The following KIDINS220 variants were observed in gnomAD, a reference collection of about 807,000 sequenced individuals.
KIDINS220 encodes kinase D-interacting substrate of 220 kDa.
Under a neutral mutation model 157.6 loss-of-function variants are expected in KIDINS220, and 63 were observed. The observed-to-expected ratio is 0.40, with a 90% CI of 0.33 to 0.49. The LOEUF (loss-of-function observed/expected upper bound fraction) is 0.49, where lower values mean the gene tolerates loss of function less well. Ranked by LOEUF, KIDINS220 falls within the 20% of genes least tolerant of loss-of-function variation. The probability of loss-of-function intolerance (pLI) is 0.66; values close to 1 mark genes in which losing one functional copy is unlikely to be tolerated. For synonymous variants in KIDINS220, 732 were observed against 783.6 expected, an observed-to-expected ratio of 0.93 and a Z score of 1.10; for missense variants, 1,772 against 2,171.2, an observed-to-expected ratio of 0.82 and a Z score of 3.65.
At chr2:8,809,371 G>C (rs537446256) in intron 6 of KIDINS220, among the ~76,000 whole-genome samples, 2 of 152,092 alleles carry the variant, frequency 1.3e-5, no homozygotes, top group South Asian at 4.1e-4. Context: ...AAGCTCTGCA[G>C]TATCTTGAAC....
At chr2:8,728,087 A>G (rs141906228), downstream of KIDINS220, among the ~76,000 whole-genome samples, 68 of 152,326 alleles carry the variant, frequency 4.5e-4, 1 homozygote, top group African/African-American at 1.1e-3. Context: ...TCATGCCTAT[A>G]ATCCCAGGCC....
intron 27 of KIDINS220, 112 bp from the exon 28 acceptor site, chr2:8,734,865 C>G (rs1664649814): frequency 1.4e-6 from 1 of 697,602 alleles, no homozygotes; most frequent in East Asian, 2.9e-5. Context: ...CTCTAGAGAC[C>G]AGAAAGGCTG....
At chr2:8,728,116 G>A (rs953445057), downstream of KIDINS220, among the ~76,000 whole-genome samples, 5 of 152,246 alleles carry the variant, frequency 3.3e-5, no homozygotes, top group East Asian at 9.6e-4. Flanking sequence ...GCCGAGGAGG[G>A]AGGATTGCTT....
At chr2:8,816,762 C>T (rs947574016) in intron 4 of KIDINS220, among the ~76,000 whole-genome samples, 7 of 152,330 alleles carry the variant, frequency 4.6e-5, no homozygotes, top group African/African-American at 9.6e-5. Flanking sequence ...TTCACTGCAA[C>T]GTACTTAAGT....
In KIDINS220 at chr2:8,807,864, G is replaced by A. The variant is rs764438291; in HGVS notation, c.505-1495C>T. Among the ~76,000 whole-genome samples, 49 of 152,240 alleles carry A rather than the reference G, an allele frequency of 3.2e-4. 1 individual carries two copies. The highest frequency in any genetic ancestry group is 8.8e-5 in the Non-Finnish European group (6 of 68,034). On this transcript the variant is annotated intron_variant, in intron 6 of 29. Coordinates refer to ENST00000256707, the MANE Select transcript of KIDINS220 (RefSeq NM_020738.4). ...TGAGCAGGCACTGTGGCTCACGCCT[G>A]TAATCCCAGCACTTTGGGAGGCTAA...
intron 4 of KIDINS220, among the ~76,000 whole-genome samples, chr2:8,815,773 T>C (rs1677000114): frequency 6.6e-6 from 1 of 152,220 alleles, no homozygotes; most frequent in African/African-American, 2.4e-5. Context: ...GGCAAAAGAC[T>C]GAGACCAATT....
intron 2 of KIDINS220, among the ~76,000 whole-genome samples, chr2:8,819,661 T>C (rs1290829116): frequency 6.6e-6 from 1 of 151,806 alleles, no homozygotes; most frequent in East Asian, 1.9e-4. Flanking sequence ...CTGTCTCTAC[T>C]AAAAATACAA....
intron 17 of KIDINS220, among the ~76,000 whole-genome samples, chr2:8,781,153 A>ATATATAATATATAT (rs70946383): frequency 0.015 from 1,966 of 130,354 alleles, 38 homozygotes; most frequent in African/African-American, 0.035. Flanking sequence ...ATATATATAT[A>ATATATAATATATAT]ATATATATAT....
At chr2:8,734,534 A>G in intron 28 of KIDINS220, 121 bp downstream of exon 28, 2 of 627,514 alleles carry the variant, frequency 3.2e-6, no homozygotes, top group Non-Finnish European at 5.2e-6. Flanking sequence ...TTAAAAAAAT[A>G]TGAAAAAAAT....
In KIDINS220 at chr2:8,791,251, C is replaced by T. The variant is rs1337071840; in HGVS notation, c.1277-27G>A. 3.3e-6 allele frequency: 5 copies of T among 1,521,338 alleles called. No homozygotes were observed. In the East Asian group the frequency reaches 6.7e-5, roughly 20 times the overall value. The allele number at this position is 1,521,338 out of a possible 1,614,324, so 94.2% of individuals were successfully genotyped here. A position where few individuals can be genotyped will look rare whatever the true frequency, so the allele number is the denominator to read the frequency against. ...TGTAATTAAAACACATCATATCTTA[C>T]ATTAAACAGTGGCATTACTATTAGA... is the stretch of plus-strand genomic sequence containing the variant. On this transcript the variant is annotated intron_variant, in intron 12 of 29. Transcript: ENST00000256707.
At chr2:8,784,863 C>T (rs1365496035) in intron 17 of KIDINS220, among the ~76,000 whole-genome samples, 1 of 152,186 alleles carries the variant, frequency 6.6e-6, no homozygotes, top group Admixed American at 6.5e-5. Flanking sequence ...TCTAACAAAA[C>T]GAAACATCAT....
chr2:8,731,740 C>A lies in KIDINS220; in HGVS notation c.4296G>T (p.Glu1432Asp), dbSNP rs770925903. The A allele has an allele frequency of 5.0e-6, 8 of 1,614,110 alleles. No individual in the cohort carries two copies. Among genetic ancestry groups the A allele is most frequent in the Non-Finnish European group, 5.9e-6 (7 of 1,180,012 alleles). Reference sequence around the variant, plus strand: ...GTTCACTATCCTTCCCCTTTTCTTGCTCTAGGTTTGAATGAATAGAGCCCC... The same window carrying A: ...GTTCACTATCCTTCCCCTTTTCTTGATCTAGGTTTGAATGAATAGAGCCCC... ...SSGGSIHSNL[E>D]QEKGKDSEPK... Residue 1432 changes from glutamate to aspartate, a missense_variant, in exon 30 of 30, where the codon GAG becomes GAT. Glu to Asp is a conservative substitution (Grantham distance 45, BLOSUM62 2). This residue lies in a region of KIDINS220 where 793 missense variants were observed against 885.5 expected (regional missense o/e 0.90). Transcript: ENST00000256707. This position sits in a 1 kb window ranked among gnomAD's most constrained non-coding sequence, Gnocchi z 5.2.
At chr2:8,788,372 G>A (rs1040929470) in intron 15 of KIDINS220, among the ~76,000 whole-genome samples, 1 of 151,832 alleles carries the variant, frequency 6.6e-6, no homozygotes, top group Admixed American at 6.6e-5. Flanking sequence ...AGGTTCAAGC[G>A]ATTCTCCTGC....
At chr2:8,784,155 C>A (rs1448684267) in intron 17 of KIDINS220, among the ~76,000 whole-genome samples, 4 of 149,676 alleles carry the variant, frequency 2.7e-5, no homozygotes, top group Non-Finnish European at 5.9e-5. Context: ...CAAGAAATAG[C>A]GTTTTTAACA....
At chr2:8,832,529 A>C (rs1405896729) in intron 1 of KIDINS220, among the ~76,000 whole-genome samples, 3 of 152,238 alleles carry the variant, frequency 2.0e-5, no homozygotes, top group Non-Finnish European at 2.9e-5. Context: ...GTGTGTACAC[A>C]TGAACAAAAA....
chr2:8,726,555 G>A (rs1206842965), downstream of KIDINS220, among the ~76,000 whole-genome samples: 1 of 152,232 alleles, frequency 6.6e-6, no homozygotes, highest in Non-Finnish European at 1.5e-5. Flanking sequence ...GTTGACGACA[G>A]GGGTACATTC....
rs1273036779 is a variant in KIDINS220 at position 8,812,507 on chromosome 2, T to C, written c.406-14A>G. On this transcript the variant is annotated splice_polypyrimidine_tract_variant and intron_variant, in intron 5 of 29. Coordinates refer to ENST00000256707, the MANE Select transcript of KIDINS220 (RefSeq NM_020738.4). ...GTAAACACTGTACTGCTAGGATAGA[T>C]TGGTTGGTAGGTAGGTAGATAAGTA... The C allele has an allele frequency of 2.0e-6, 3 of 1,484,840 alleles. No individual in the cohort carries two copies. The highest frequency in any genetic ancestry group is 1.8e-6 in the Non-Finnish European group (2 of 1,102,854). 92.0% of individuals were successfully genotyped at this position (1,484,840 alleles called of 1,614,324 possible). A position where few individuals can be genotyped will look rare whatever the true frequency, so the allele number is the denominator to read the frequency against.
intron 17 of KIDINS220, among the ~76,000 whole-genome samples, chr2:8,784,542 C>T (rs1672131951): frequency 6.6e-6 from 1 of 152,136 alleles, no homozygotes; most frequent in African/African-American, 2.4e-5. Context: ...CCAAAATACA[C>T]AAAGAACTCT....
chr2:8,811,774 TA>T (rs374156796), intron 6 of KIDINS220, among the ~76,000 whole-genome samples: 190 of 144,616 alleles, frequency 1.3e-3, no homozygotes, highest in Middle Eastern at 3.6e-3. Flanking sequence ...GTTAAGGATT[TA>T]AAAAAAAAAA....
Sources: gnomAD v4.1 joint callset for allele counts (sites outside exome capture counted in the v4.1 genomes callset) on GRCh38, gnomAD v4.1.1 for gene constraint, gnomAD v4.1.1 regional missense constraint, Gnocchi (gnomAD v3.1) non-coding constraint, MANE v1.5 for transcripts, NCBI Gene and HGNC (gene_info 2026-07-23, HGNC 2026-07-21) for gene names.